The following HDX variants were observed in gnomAD, a reference collection of about 807,000 sequenced individuals.
The protein encoded by HDX is highly divergent homeobox.
In HDX, 19 loss-of-function variants were observed where a neutral mutation model predicts 45.2. The ratio of observed to expected loss-of-function variants is 0.42; its 90% CI spans 0.29 to 0.62. The LOEUF is 0.62. HDX is among the 20% of genes least tolerant of loss of function. The pLI is 0.20. For missense variants in HDX, 532 were observed against 493.9 expected, an observed-to-expected ratio of 1.08 and a Z score of -0.73; for synonymous variants, 188 against 172.8, an observed-to-expected ratio of 1.09 and a Z score of -0.69.
intron 6 of HDX, among the ~76,000 whole-genome samples, chrX:84,350,017 ACAATATAT>A (rs2037304379): frequency 9.1e-6 from 1 of 110,382 alleles, no homozygotes; most frequent in Non-Finnish European, 1.9e-5. Flanking sequence ...TCACCACCAC[ACAATATAT>A]GTGTGTAACA....
At chrX:84,330,072 A>T (rs1281978149) in intron 9 of HDX, among the ~76,000 whole-genome samples, 1 of 111,604 alleles carries the variant, frequency 9.0e-6, no homozygotes, top group African/African-American at 3.3e-5. Flanking sequence ...TTCACCACAA[A>T]ATATGGTATC....
intron 5 of HDX, among the ~76,000 whole-genome samples, chrX:84,401,990 C>T (rs1471198574): frequency 2.7e-5 from 3 of 111,288 alleles, no homozygotes; most frequent in African/African-American, 6.5e-5. Context: ...GAGAGTTGAA[C>T]AATGGGAACA....
At chrX:84,432,014 T>C (rs754083545) in intron 5 of HDX, among the ~76,000 whole-genome samples, 2 of 111,520 alleles carry the variant, frequency 1.8e-5, no homozygotes, top group South Asian at 7.4e-4. Flanking sequence ...TTTTTTTATA[T>C]TGTATAAGAA....
chrX:84,453,357 C>T (rs2040044968), intron 4 of HDX, among the ~76,000 whole-genome samples: 1 of 111,429 alleles, frequency 9.0e-6, no homozygotes, highest in Non-Finnish European at 1.9e-5. Context: ...TGACACCATA[C>T]CTCCCCCAAC....
In HDX at chrX:84,320,613, A is replaced by G. The variant is rs772701189; in HGVS notation, c.*1276T>C. The G allele has an allele frequency of 2.7e-5, 3 of 111,245 alleles. No homozygotes were observed. Among genetic ancestry groups the G allele is most frequent in the Admixed American group, 9.6e-5 (1 of 10,453 alleles). The allele number at this position is 111,245 out of a possible 1,213,427, so 9.2% of individuals were successfully genotyped here. On this transcript the variant is annotated 3_prime_UTR_variant, in exon 11 of 11. Transcript: ENST00000373177. The stretch of plus-strand genomic sequence containing the variant: ...CATCCAGCTACTTCATTAATCTTTT[A>G]GGTATAGATAGTAATTTAACCATGC...
intron 4 of HDX, among the ~76,000 whole-genome samples, chrX:84,460,756 T>G (rs2040221360): frequency 8.9e-6 from 1 of 112,004 alleles, no homozygotes; most frequent in South Asian, 3.7e-4. Context: ...CATATTTTCT[T>G]TGTTTGCAGA....
chrX:84,440,118 T>C (rs1261911989), intron 5 of HDX: 2 of 112,431 alleles, frequency 1.8e-5, no homozygotes, highest in African/African-American at 6.5e-5. Flanking sequence ...AAAATAAGAT[T>C]GGTAAACCTT....
intron 4 of HDX, among the ~76,000 whole-genome samples, chrX:84,451,435 G>A (rs1054204734): frequency 5.4e-5 from 6 of 110,256 alleles, no homozygotes; most frequent in African/African-American, 1.6e-4. Context: ...AAATGGATAC[G>A]TTTCTGGACA....
intron 2 of HDX, among the ~76,000 whole-genome samples, chrX:84,481,641 G>A (rs746037574): frequency 9.0e-6 from 1 of 111,444 alleles, no homozygotes; most frequent in East Asian, 2.8e-4. Flanking sequence ...ACCTTTTTAA[G>A]TGCTTGGACA....
At chrX:84,408,052 T>C (rs1371229647) in intron 5 of HDX, among the ~76,000 whole-genome samples, 1 of 111,891 alleles carries the variant, frequency 8.9e-6, no homozygotes, top group Non-Finnish European at 1.9e-5. Context: ...TTTAATTAGG[T>C]CCCATTTATC....
At chrX:84,329,948 G>GT (rs1029451038) in intron 9 of HDX, among the ~76,000 whole-genome samples, 12 of 111,365 alleles carry the variant, frequency 1.1e-4, no homozygotes, top group African/African-American at 3.9e-4. Flanking sequence ...TTCTCTCCAT[G>GT]TTTTTTCAAA....
intron 5 of HDX, among the ~76,000 whole-genome samples, chrX:84,369,633 G>T (rs887493917): frequency 8.9e-6 from 1 of 111,845 alleles, no homozygotes; most frequent in Non-Finnish European, 1.9e-5. Flanking sequence ...TTTTACAGTA[G>T]ATATCCTAAT....
chrX:84,320,097 G>C lies in HDX; in HGVS notation c.*1792C>G. Reference sequence around the variant, plus strand: ...AATTTGTTCATGCTACTTAATAAGTGGTTTCTAACTTCGTTGTATATGGGG... The same window carrying C: ...AATTTGTTCATGCTACTTAATAAGTCGTTTCTAACTTCGTTGTATATGGGG... On this transcript the variant is annotated 3_prime_UTR_variant, in exon 11 of 11. Coordinates refer to ENST00000373177, the MANE Select transcript of HDX (RefSeq NM_001177479.2). 9.0e-6 allele frequency: 1 copy of C among 110,992 alleles called. No homozygotes were observed. The highest frequency in any genetic ancestry group is 2.8e-4 in the East Asian group (1 of 3,523). 9.1% of individuals were successfully genotyped at this position (110,992 alleles called of 1,213,427 possible). A position where few individuals can be genotyped will look rare whatever the true frequency, so the allele number is the denominator to read the frequency against.
chrX:84,487,104 C>T (rs144883281), intron 2 of HDX, among the ~76,000 whole-genome samples: 172 of 111,754 alleles, frequency 1.5e-3, no homozygotes, highest in African/African-American at 5.2e-3. Context: ...CTGTCTTCAT[C>T]ATTCTCTTAC....
At chrX:84,440,641 G>A (rs2039740707) in intron 4 of HDX, 56 bp from the exon 5 acceptor site, 1 of 729,003 alleles carries the variant, frequency 1.4e-6, no homozygotes, top group East Asian at 3.3e-5. Context: ...TACTTGGAAT[G>A]TTGATCAACA....
rs746827915 is a variant in HDX, at chrX:84,335,253, C to G, written c.1741-1411G>C. On this transcript the variant is annotated intron_variant, in intron 8 of 10. Coordinates refer to ENST00000373177, the MANE Select transcript of HDX (RefSeq NM_001177479.2). ...CTCTACATATTTGGATTGGCTCTGG[C>G]AAAAAGGAGCTAGGCAATTCAGGGA... 2.7e-3 allele frequency among the ~76,000 whole-genome samples: 296 copies of G among 110,187 alleles called. 2 individuals carry two copies. The highest frequency in any genetic ancestry group is 9.4e-3 in the African/African-American group (286 of 30,428).
intron 5 of HDX, among the ~76,000 whole-genome samples, chrX:84,409,041 C>T (rs1199054172): frequency 2.7e-5 from 3 of 110,834 alleles, no homozygotes; most frequent in Non-Finnish European, 3.8e-5. Context: ...AAACAAACAA[C>T]CCCATCAAAA....
intron 5 of HDX, among the ~76,000 whole-genome samples, chrX:84,432,379 T>C (rs2039524339): frequency 8.9e-6 from 1 of 112,044 alleles, no homozygotes; most frequent in Non-Finnish European, 1.9e-5. Context: ...AAGAATGTCA[T>C]AGGTTTGATC....
chrX:84,465,538 G>T (rs2040334265), intron 4 of HDX, among the ~76,000 whole-genome samples: 1 of 112,037 alleles, frequency 8.9e-6, no homozygotes, highest in South Asian at 3.7e-4. Context: ...GATGAAGTTG[G>T]AAACCATCAT....
Sources: allele counts gnomAD v4.1 joint callset (sites outside exome capture counted in the v4.1 genomes callset), GRCh38; gene constraint gnomAD v4.1.1; transcripts MANE v1.5; gene names NCBI Gene and HGNC (gene_info 2026-07-23, HGNC 2026-07-21).